KCNQ1: variants seen among roughly 807,000 people sequenced by gnomAD.
KCNQ1 encodes the protein potassium voltage-gated channel subfamily Q member 1.
Under a neutral mutation model 72.4 loss-of-function variants are expected in KCNQ1, and 49 were observed. That is an observed-to-expected ratio of 0.68 (90% CI 0.54 to 0.86). KCNQ1 has a LOEUF of 0.86. Among genes scored for constraint, KCNQ1 ranks in the 40% least tolerant of loss-of-function variants. The probability of loss-of-function intolerance (pLI) is 0.00; values close to 1 mark genes in which losing one functional copy is unlikely to be tolerated. For missense variants in KCNQ1, 790 were observed against 945.1 expected (o/e 0.84, Z 2.15); for synonymous variants, 450 against 412.6 (o/e 1.09, Z -1.10).
In KCNQ1 at chr11:2,687,124, C is replaced by CAGGGAGGGGAGGAATCTG. The variant is rs1233233425; in HGVS notation, c.1514+25046_1514+25063dup. 3.3e-5 allele frequency: 13 copies of CAGGGAGGGGAGGAATCTG among 398,652 alleles called. No homozygotes were observed. The highest frequency in any genetic ancestry group is 1.8e-4 in the African/African-American group (9 of 48,760). 24.7% of individuals were successfully genotyped at this position (398,652 alleles called of 1,614,324 possible). ...AGTACACCTTGACACACAAACTGCA[C>CAGGGAGGGGAGGAATCTG]AGGGAGGGGAGGAATCTGAGCCAGC... On this transcript the variant is annotated intron_variant, in intron 11 of 15. Transcript: ENST00000155840. The surrounding 1 kb of genome is among the most constrained non-coding windows in gnomAD (Gnocchi z 5.0).
At chr11:2,472,728 C>T (rs1366349863) in intron 1 of KCNQ1, among the ~76,000 whole-genome samples, 3 of 152,058 alleles carry the variant, frequency 2.0e-5, no homozygotes, top group African/African-American at 2.4e-5. Context: ...CAGCCCCTGC[C>T]CATTGTCAGG....
chr11:2,620,625 G>T lies in KCNQ1; in HGVS notation c.1393+31771G>T, dbSNP rs1488332545. The T allele has an allele frequency of 5.0e-6, 2 of 397,756 alleles. No homozygotes were observed. The highest frequency in any genetic ancestry group is 8.9e-6 in the Non-Finnish European group (2 of 225,984). The allele number at this position is 397,756 out of a possible 1,614,324, so 24.6% of individuals were successfully genotyped here. A position where few individuals can be genotyped will look rare whatever the true frequency, so the allele number is the denominator to read the frequency against. On this transcript the variant is annotated intron_variant, in intron 10 of 15. Transcript: ENST00000155840. The surrounding 1 kb of genome is among the most constrained non-coding windows in gnomAD (Gnocchi z 4.5). ...TCTAAGTGGATTCCATGTCTTTGCT[G>T]TTGTGAATAGTGCTGTGATGAACAT...
At chr11:2,610,855 A>C (rs900216111) in intron 10 of KCNQ1, 3 of 397,264 alleles carry the variant, frequency 7.6e-6, no homozygotes, top group Non-Finnish European at 4.4e-6. Context: ...GGAGGGTATT[A>C]AGCAGAGTGC....
At chr11:2,740,302 G>A (rs1041250510) in intron 11 of KCNQ1, among the ~76,000 whole-genome samples, 2 of 152,314 alleles carry the variant, frequency 1.3e-5, no homozygotes, top group South Asian at 2.1e-4. Context: ...TTTTTATTGT[G>A]TATGTTCGAC....
Position 2,848,243 on chromosome 11 carries a change from C to T in KCNQ1, c.*240C>T, listed in dbSNP as rs773743391. The stretch of plus-strand genomic sequence containing the variant: ...CTCAGGTCTGAGTTGTTACCCCAAG[C>T]GCCCTGGCCCCCACATGGTGATGTT... On this transcript the variant is annotated 3_prime_UTR_variant, in exon 16 of 16. Transcript: ENST00000155840. The T allele has an allele frequency of 2.2e-5, 14 of 646,530 alleles. No homozygotes were observed. The highest frequency in any genetic ancestry group is 1.8e-4 in the Admixed American group (8 of 43,910). 40.0% of individuals were successfully genotyped at this position (646,530 alleles called of 1,614,324 possible).
Position 2,458,172 on chromosome 11 carries a change from T to C in KCNQ1, c.386+12688T>C, listed in dbSNP as rs934638470. On this transcript the variant is annotated intron_variant, in intron 1 of 15. Transcript: ENST00000155840. This position sits in a 1 kb window ranked among gnomAD's most constrained non-coding sequence, Gnocchi z 4.6. Reference sequence around the variant, plus strand: ...CTTGAAGGGGTCCTTGTCTTCCCCCTTCTCCCCAAGCTGAAGATGCAGTGG... The same window carrying C: ...CTTGAAGGGGTCCTTGTCTTCCCCCCTCTCCCCAAGCTGAAGATGCAGTGG... 6.6e-6 allele frequency among the ~76,000 whole-genome samples: 1 copy of C among 152,016 alleles called. No homozygotes were observed. The highest frequency in any genetic ancestry group is 2.4e-5 in the African/African-American group (1 of 41,390).
At position 2,797,051 on chromosome 11, in the gene KCNQ1, C is replaced by T. The variant is rs369571683; in HGVS notation, c.1794+19014C>T. The stretch of plus-strand genomic sequence containing the variant: ...GGCAAGTGGCGGCAAACCGTCCCCA[C>T]GGGGCCACAACGGGGCATTGTTCAC... On this transcript the variant is annotated intron_variant, in intron 15 of 15. Coordinates refer to ENST00000155840, the MANE Select transcript of KCNQ1 (RefSeq NM_000218.3). 2.5e-3 allele frequency among the ~76,000 whole-genome samples: 387 copies of T among 152,340 alleles called. 3 individuals are homozygous for T. Among genetic ancestry groups the T allele is most frequent in the African/African-American group, 8.4e-3 (349 of 41,584 alleles).
At chr11:2,530,958 C>T (rs546641336) in intron 2 of KCNQ1, among the ~76,000 whole-genome samples, 10 of 152,266 alleles carry the variant, frequency 6.6e-5, no homozygotes, top group East Asian at 1.9e-4. Context: ...GTTAGCCCCT[C>T]GCCCCCAGGT....
intron 10 of KCNQ1, chr11:2,643,806 AC>A (rs1351000332): frequency 6.3e-5 from 25 of 398,404 alleles, no homozygotes; most frequent in African/African-American, 5.1e-4. Flanking sequence ...CTGAGCTTTT[AC>A]TTTTAAGGGA....
intron 11 of KCNQ1, chr11:2,681,929 A>C (rs1292364114): frequency 5.0e-6 from 2 of 398,472 alleles, no homozygotes; most frequent in African/African-American, 4.1e-5. Context: ...TAGGCTGAAG[A>C]ATAATCTTCA....
chr11:2,664,810 TC>T lies in KCNQ1; in HGVS notation c.1514+2730del, dbSNP rs1850034960. On this transcript the variant is annotated intron_variant, in intron 11 of 15. Transcript: ENST00000155840. This position sits in a 1 kb window ranked among gnomAD's most constrained non-coding sequence, Gnocchi z 5.1. ...AGTTACCAAAAAACATTTCCATTTT[TC>T]TTCAGCATTCTACTGATGTTAAATG... 2.5e-6 allele frequency: 1 copy of T among 398,562 alleles called. No homozygotes were observed. Among genetic ancestry groups the T allele is most frequent in the Non-Finnish European group, 4.4e-6 (1 of 226,128 alleles). 24.7% of individuals were successfully genotyped at this position (398,562 alleles called of 1,614,324 possible).
At position 2,782,868 on chromosome 11, in the gene KCNQ1, G is replaced by C. The variant is rs1468120353; in HGVS notation, c.1794+4831G>C. On this transcript the variant is annotated intron_variant, in intron 15 of 15. Transcript: ENST00000155840. This position sits in a 1 kb window ranked among gnomAD's most constrained non-coding sequence, Gnocchi z 6.1. ...CCCCTGTCTTATTAAATGTTTCGTG[G>C]ACTTCTGGCTTTGCTGATCCTCTCT... 6.6e-6 allele frequency among the ~76,000 whole-genome samples: 1 copy of C among 151,980 alleles called. No individual in the cohort carries two copies. The highest frequency in any genetic ancestry group is 2.4e-5 in the African/African-American group (1 of 41,390).
intron 10 of KCNQ1, among the ~76,000 whole-genome samples, chr11:2,594,511 C>G (rs1441171187): frequency 1.3e-5 from 2 of 152,300 alleles, no homozygotes; most frequent in East Asian, 3.9e-4. Context: ...ATTGCCTCCC[C>G]TAATGCTTCT....
intron 1 of KCNQ1, among the ~76,000 whole-genome samples, chr11:2,472,438 G>A (rs1409429394): frequency 6.6e-6 from 1 of 152,092 alleles, no homozygotes; most frequent in Non-Finnish European, 1.5e-5. Context: ...GTATGCATGT[G>A]TGCATGTCCC....
intron 10 of KCNQ1, chr11:2,615,262 A>G: frequency 5.0e-6 from 2 of 398,096 alleles, no homozygotes; most frequent in Non-Finnish European, 8.9e-6. Flanking sequence ...TGTACCCTGC[A>G]ATTTTGCTGG....
chr11:2,654,867 G>A lies in KCNQ1; in HGVS notation c.1394-7094G>A. 1 of 398,588 alleles carries A rather than the reference G, an allele frequency of 2.5e-6. No homozygotes were observed. Among genetic ancestry groups the A allele is most frequent in the Non-Finnish European group, 4.4e-6 (1 of 226,090 alleles). The allele number at this position is 398,588 out of a possible 1,614,324, so 24.7% of individuals were successfully genotyped here. On this transcript the variant is annotated intron_variant, in intron 10 of 15. Coordinates refer to ENST00000155840, the MANE Select transcript of KCNQ1 (RefSeq NM_000218.3). This position sits in a 1 kb window ranked among gnomAD's most constrained non-coding sequence, Gnocchi z 6.4. ...TGGGCAGCTCCAGGCCAGGTGGAGG[G>A]ACATATTCTGGCAACTCTAGGATAA...
chr11:2,679,158 C>T lies in KCNQ1; in HGVS notation c.1514+17077C>T, dbSNP rs1454676291. 2.8e-5 allele frequency: 11 copies of T among 398,496 alleles called. No homozygotes were observed. Among genetic ancestry groups the T allele is most frequent in the Admixed American group, 4.4e-5 (1 of 22,708 alleles). 24.7% of individuals were successfully genotyped at this position (398,496 alleles called of 1,614,324 possible). On this transcript the variant is annotated intron_variant, in intron 11 of 15. Transcript: ENST00000155840. The surrounding 1 kb of genome is among the most constrained non-coding windows in gnomAD (Gnocchi z 4.8). ...TTTCATGGCATGAGTTGGGCAGCAG[C>T]GACTCAGTTTCCATGTCTGAGTTAG... is the stretch of plus-strand genomic sequence containing the variant.
At chr11:2,847,213 A>T (rs761612476) in intron 15 of KCNQ1, among the ~76,000 whole-genome samples, 26 of 152,014 alleles carry the variant, frequency 1.7e-4, no homozygotes, top group Non-Finnish European at 3.1e-4. Context: ...GCAAAGCCCA[A>T]GCCCTCTGCC....
In KCNQ1 at chr11:2,600,892, T is replaced by C. The variant is rs1848795910; in HGVS notation, c.1393+12038T>C. Among the ~76,000 whole-genome samples the C allele has an allele frequency of 1.3e-5, 2 of 152,210 alleles. No individual in the cohort carries two copies. Among genetic ancestry groups the C allele is most frequent in the Non-Finnish European group, 2.9e-5 (2 of 68,038 alleles). On this transcript the variant is annotated intron_variant, in intron 10 of 15. Transcript: ENST00000155840. This position sits in a 1 kb window ranked among gnomAD's most constrained non-coding sequence, Gnocchi z 5.6. Reference sequence around the variant, plus strand: ...AGATCCACGTTGTGTACTCTGTAAGTGACCTGATGTCCTTCTCAGTGTATC... The same window carrying C: ...AGATCCACGTTGTGTACTCTGTAAGCGACCTGATGTCCTTCTCAGTGTATC...
Sources: allele counts gnomAD v4.1 joint callset (sites outside exome capture counted in the v4.1 genomes callset), GRCh38; gene constraint gnomAD v4.1.1; non-coding constraint Gnocchi (gnomAD v3.1); transcripts MANE v1.5; gene names NCBI Gene and HGNC (gene_info 2026-07-23, HGNC 2026-07-21).